The following RAB38 variants were observed in gnomAD, a reference collection of about 807,000 sequenced individuals.
The protein encoded by RAB38 is RAB38, member RAS oncogene family, also known as ras-related protein Rab-38.
A neutral mutation model predicts 18.4 loss-of-function variants in RAB38; 15 were observed. The observed-to-expected ratio is 0.82, with a 90% CI of 0.55 to 1.26. The LOEUF is 1.26. Ranked by LOEUF, RAB38 falls within the 50% of genes most tolerant of loss-of-function variation. The pLI is 0.00. For synonymous variants in RAB38, 101 were observed against 104.4 expected (o/e 0.97, Z 0.20); for missense variants, 294 against 267.4 (o/e 1.10, Z -0.69).
At chr11:88,035,685 C>T in the RAB38 span, among the ~76,000 whole-genome samples, 797 of 152,338 alleles carry the variant, frequency 5.2e-3, 6 homozygotes, top group African/African-American at 0.018. Flanking sequence ...ATTTTCTTTA[C>T]GTAAGGATCT....
the RAB38 span, among the ~76,000 whole-genome samples, chr11:87,831,883 A>C: frequency 1.3e-5 from 2 of 152,220 alleles, no homozygotes; most frequent in African/African-American, 2.4e-5. Context: ...TCATTAGGAC[A>C]TTACTATTAG....
At chr11:87,954,744 T>G in the RAB38 span, among the ~76,000 whole-genome samples, 1 of 152,108 alleles carries the variant, frequency 6.6e-6, no homozygotes, top group South Asian at 2.1e-4. Context: ...AGGAAGTGGA[T>G]TTGGTGCACT....
chr11:88,035,053 A>T, the RAB38 span, among the ~76,000 whole-genome samples: 21 of 152,164 alleles, frequency 1.4e-4, no homozygotes, highest in African/African-American at 5.1e-4. Context: ...ACTAGGTTTT[A>T]ATTTTTACTT....
Position 88,169,236 on chromosome 11 carries a change from C to G in RAB38, c.202+5947G>C, listed in dbSNP as rs115854901. 7.8e-3 allele frequency among the ~76,000 whole-genome samples: 1,190 copies of G among 152,278 alleles called. 16 individuals carry two copies. Among genetic ancestry groups the G allele is most frequent in the African/African-American group, 0.027 (1,130 of 41,560 alleles). On this transcript the variant is annotated intron_variant, in intron 1 of 2. Coordinates refer to ENST00000243662, the MANE Select transcript of RAB38 (RefSeq NM_022337.3). ...GGTAAGGTATTTTGGTTAACACAAA[C>G]TAGAAAGTCCACTGAATGTGGACAA...
At chr11:88,148,519 A>G (rs1036199444) in intron 2 of RAB38, among the ~76,000 whole-genome samples, 4 of 152,316 alleles carry the variant, frequency 2.6e-5, no homozygotes, top group South Asian at 2.1e-4. Flanking sequence ...TCCGTCTTCT[A>G]TAGTTTCTCC....
intron 2 of RAB38, among the ~76,000 whole-genome samples, chr11:88,136,160 C>G (rs1020221047): frequency 1.3e-5 from 2 of 152,192 alleles, no homozygotes; most frequent in African/African-American, 4.8e-5. Context: ...AGCCTTTGAG[C>G]ACTCCCGTAG....
At chr11:87,952,759 A>G in the RAB38 span, among the ~76,000 whole-genome samples, 1 of 152,204 alleles carries the variant, frequency 6.6e-6, no homozygotes, top group African/African-American at 2.4e-5. Context: ...GTTGCATTTG[A>G]GCTGGACTTC....
the RAB38 span, among the ~76,000 whole-genome samples, chr11:87,812,932 C>G: frequency 6.6e-6 from 1 of 151,992 alleles, no homozygotes; most frequent in African/African-American, 2.4e-5. Context: ...GAATGAGAAA[C>G]AAATTGAAAG....
the RAB38 span, among the ~76,000 whole-genome samples, chr11:88,043,462 A>T: frequency 6.6e-6 from 1 of 152,156 alleles, no homozygotes; most frequent in Non-Finnish European, 1.5e-5. Flanking sequence ...GCACGTATAC[A>T]TCCAGATGGC....
chr11:87,824,748 G>A, the RAB38 span, among the ~76,000 whole-genome samples: 2 of 152,074 alleles, frequency 1.3e-5, no homozygotes, highest in Non-Finnish European at 2.9e-5. Flanking sequence ...TAAATTGGAG[G>A]ATCATTCCAG....
At chr11:87,830,543 G>C in the RAB38 span, among the ~76,000 whole-genome samples, 2 of 151,384 alleles carry the variant, frequency 1.3e-5, no homozygotes, top group African/African-American at 4.9e-5. Flanking sequence ...TTGTATGCTA[G>C]AGAGCATTTT....
At chr11:87,963,544 C>G in the RAB38 span, among the ~76,000 whole-genome samples, 1 of 151,786 alleles carries the variant, frequency 6.6e-6, no homozygotes, top group African/African-American at 2.4e-5. Flanking sequence ...ACCGCACTAA[C>G]AAAAATAATA....
the RAB38 span, among the ~76,000 whole-genome samples, chr11:88,038,086 C>T: frequency 6.6e-6 from 1 of 152,076 alleles, no homozygotes; most frequent in Non-Finnish European, 1.5e-5. Flanking sequence ...ATATTAATGG[C>T]ATTTTTTGAA....
At chr11:87,805,658 TATGTGTATATATACATGC>T in the RAB38 span, among the ~76,000 whole-genome samples, 1 of 151,962 alleles carries the variant, frequency 6.6e-6, no homozygotes, top group Admixed American at 6.6e-5. Flanking sequence ...CACATTTATG[TATGTGTATATATACATGC>T]ATGTGTGTAT....
chr11:88,005,701 G>GT, the RAB38 span, among the ~76,000 whole-genome samples: 13,669 of 150,934 alleles, frequency 0.091, 866 homozygotes, highest in South Asian at 0.18. Context: ...GCTTTTCCCT[G>GT]TTTTTTACAA....
chr11:88,060,410 A>G, the RAB38 span: 2 of 152,324 alleles, frequency 1.3e-5, no homozygotes, highest in African/African-American at 4.8e-5. Flanking sequence ...ACTGAATACA[A>G]TTATTATTTT....
chr11:87,978,172 A>C, the RAB38 span, among the ~76,000 whole-genome samples: 1 of 34,584 alleles, frequency 2.9e-5, no homozygotes. Flanking sequence ...GTATATATTT[A>C]TATATACATC....
At chr11:88,169,002 ATT>A (rs1413540232) in intron 1 of RAB38, among the ~76,000 whole-genome samples, 1 of 152,348 alleles carries the variant, frequency 6.6e-6, no homozygotes, top group African/African-American at 2.4e-5. Flanking sequence ...GGGAAGATAA[ATT>A]TGGCTTTGAT....
chr11:87,807,935 T>G, the RAB38 span, among the ~76,000 whole-genome samples: 1 of 152,202 alleles, frequency 6.6e-6, no homozygotes, highest in African/African-American at 2.4e-5. Context: ...AACAAGTCTG[T>G]TTTTCCTATC....
Sources: allele counts gnomAD v4.1 joint callset (sites outside exome capture counted in the v4.1 genomes callset), GRCh38; gene constraint gnomAD v4.1.1; transcripts MANE v1.5; gene names NCBI Gene and HGNC (gene_info 2026-07-23, HGNC 2026-07-21).